The following SLC44A3 variants were observed in gnomAD, a reference collection of about 807,000 sequenced individuals.
The protein encoded by SLC44A3 is solute carrier family 44 member 3.
Under a neutral mutation model 75.4 loss-of-function variants are expected in SLC44A3, and 74 were observed. That is an observed-to-expected ratio of 0.98 (90% CI 0.81 to 1.19). The LOEUF (loss-of-function observed/expected upper bound fraction) is 1.19. SLC44A3 is among the 50% of genes most tolerant of loss of function. The probability of loss-of-function intolerance (pLI) is 0.00; values close to 1 mark genes in which losing one functional copy is unlikely to be tolerated. For synonymous variants in SLC44A3, 310 were observed against 296.9 expected (o/e 1.04, Z -0.45); for missense variants, 700 against 778.6 (o/e 0.90, Z 1.20).
chr1:94,887,074 C>A (rs376566439), intron 12 of SLC44A3, among the ~76,000 whole-genome samples: 3 of 151,876 alleles, frequency 2.0e-5, no homozygotes, highest in Non-Finnish European at 4.4e-5. Context: ...ACCAATAAAA[C>A]GTGTTTCCTA....
chr1:94,877,301 C>A (rs1291029790), intron 12 of SLC44A3, among the ~76,000 whole-genome samples: 1 of 151,978 alleles, frequency 6.6e-6, no homozygotes, highest in Non-Finnish European at 1.5e-5. Context: ...CTTTCTTCAC[C>A]TTTTCCCCTG....
chr1:94,894,184 A>G (rs1474923420), intron 14 of SLC44A3, among the ~76,000 whole-genome samples: 1 of 152,198 alleles, frequency 6.6e-6, no homozygotes, highest in African/African-American at 2.4e-5. Flanking sequence ...GGATCCAGTT[A>G]TCTGAAATTT....
Position 94,820,434 on chromosome 1 carries a change from C to T in SLC44A3, c.-18C>T, listed in dbSNP as rs1225727019. 6.9e-7 allele frequency: 1 copy of T among 1,455,786 alleles called. No homozygotes were observed. The highest frequency in any genetic ancestry group is 9.0e-7 in the Non-Finnish European group (1 of 1,107,422). 90.2% of individuals were successfully genotyped at this position (1,455,786 alleles called of 1,614,324 possible). ...CGGCGGCGGCTCCCAGTCACCGGCC[C>T]CCGCCGGCGAGCGCACGATGCACTG... On this transcript the variant is annotated 5_prime_UTR_variant, in exon 1 of 15. Coordinates refer to ENST00000271227, the MANE Select transcript of SLC44A3 (RefSeq NM_001114106.3).
rs372190860 is a variant in SLC44A3, at chr1:94,864,672, A to G, written c.1239-71A>G. Reference sequence around the variant, plus strand: ...TTCTAAGTTGTTAGTACCACAGATGATTGGAACCAGAGAGCTTTTGCTGCT... The same window carrying G: ...TTCTAAGTTGTTAGTACCACAGATGGTTGGAACCAGAGAGCTTTTGCTGCT... On this transcript the variant is annotated intron_variant, in intron 10 of 14. Transcript: ENST00000271227. 4.7e-5 allele frequency: 72 copies of G among 1,516,968 alleles called. No homozygotes were observed. In the African/African-American group the frequency reaches 8.0e-4, roughly 17 times the overall value. 94.0% of individuals were successfully genotyped at this position (1,516,968 alleles called of 1,614,324 possible).
chr1:94,873,942 T>G (rs892415721), intron 12 of SLC44A3, among the ~76,000 whole-genome samples: 18 of 152,232 alleles, frequency 1.2e-4, no homozygotes, highest in Non-Finnish European at 1.5e-5. Context: ...CAGACAGCCA[T>G]TCTTTCAGTG....
intron 8 of SLC44A3, 147 bp from the exon 9 acceptor site, chr1:94,845,131 T>G (rs555276641): frequency 1.4e-5 from 11 of 787,412 alleles, no homozygotes; most frequent in Non-Finnish European, 2.2e-5. Context: ...TGTTTGCGAA[T>G]GCATCTGTAA....
chr1:94,867,346 T>G lies in SLC44A3; in HGVS notation c.1411T>G (p.Ser471Ala). Residue 471 changes from serine (S) to alanine (A), a missense_variant, in exon 12 of 15, where the codon TCC becomes GCC. Coordinates refer to ENST00000271227, the MANE Select transcript of SLC44A3 (RefSeq NM_001114106.3). Reference sequence around the variant, plus strand: ...CCTGATCCAGCAGCATGGTGCATTGTCCAGGTACCTGTTCCGATGCTGCTA... The same window carrying G: ...CCTGATCCAGCAGCATGGTGCATTGGCCAGGTACCTGTTCCGATGCTGCTA... ...ALKEQQHGALSRYLFRCCYCC... is the reference protein window; with the variant it reads ...ALKEQQHGALARYLFRCCYCC... 6.3e-7 allele frequency: 1 copy of G among 1,599,386 alleles called. No homozygotes were observed. Among genetic ancestry groups the G allele is most frequent in the Non-Finnish European group, 8.5e-7 (1 of 1,171,290 alleles).
intron 12 of SLC44A3, among the ~76,000 whole-genome samples, chr1:94,876,140 A>T (rs1302531014): frequency 6.6e-6 from 1 of 152,178 alleles, no homozygotes; most frequent in South Asian, 2.1e-4. Context: ...ATCTGTGATC[A>T]CAGCTAGGCA....
At chr1:94,886,620 A>G (rs1180656703) in intron 12 of SLC44A3, among the ~76,000 whole-genome samples, 2 of 151,714 alleles carry the variant, frequency 1.3e-5, no homozygotes, top group African/African-American at 4.8e-5. Context: ...CTCTCCCTCC[A>G]GCTTGTGGTT....
intron 5 of SLC44A3, 113 bp from the exon 6 acceptor site, chr1:94,837,598 T>C: frequency 9.6e-7 from 1 of 1,036,346 alleles, no homozygotes. Context: ...GCTAGACGCC[T>C]CTCTATTACT....
At chr1:94,879,743 G>T (rs1668739974) in intron 12 of SLC44A3, among the ~76,000 whole-genome samples, 1 of 151,072 alleles carries the variant, frequency 6.6e-6, no homozygotes, top group South Asian at 2.1e-4. Context: ...GGAGGCTGAG[G>T]CAGGAAAATG....
intron 10 of SLC44A3, among the ~76,000 whole-genome samples, chr1:94,857,940 A>G (rs943201187): frequency 1.3e-5 from 2 of 151,362 alleles, no homozygotes; most frequent in Non-Finnish European, 2.9e-5. Context: ...CAGCCTCCCA[A>G]GTAGCTGGGA....
intron 12 of SLC44A3, chr1:94,888,604 A>T (rs571574546): frequency 3.2e-6 from 3 of 930,156 alleles, no homozygotes; most frequent in East Asian, 2.3e-4. Context: ...CGCACATTCT[A>T]TGTAAGTCCA....
chr1:94,835,601 T>G (rs1218576252), intron 5 of SLC44A3, among the ~76,000 whole-genome samples: 1 of 152,198 alleles, frequency 6.6e-6, no homozygotes, highest in Non-Finnish European at 1.5e-5. Context: ...GCTTATCAAC[T>G]TCCAACTCTT....
chr1:94,825,325 T>C (rs1425194050), intron 3 of SLC44A3, among the ~76,000 whole-genome samples: 1 of 152,214 alleles, frequency 6.6e-6, no homozygotes, highest in East Asian at 1.9e-4. Flanking sequence ...AAAATGATGT[T>C]TTATTTTTAT....
chr1:94,861,923 T>C (rs897210653), intron 10 of SLC44A3, among the ~76,000 whole-genome samples: 10 of 152,168 alleles, frequency 6.6e-5, no homozygotes, highest in African/African-American at 2.2e-4. Context: ...ACTTGAGGTG[T>C]GACTTCATCA....
chr1:94,855,711 T>G (rs1042111571), intron 9 of SLC44A3, among the ~76,000 whole-genome samples: 14 of 152,220 alleles, frequency 9.2e-5, no homozygotes, highest in African/African-American at 3.4e-4. Context: ...TCAGCCTTAG[T>G]CAGTGGAATC....
At chr1:94,823,733 A>G (rs1660924001) in intron 2 of SLC44A3, among the ~76,000 whole-genome samples, 1 of 152,250 alleles carries the variant, frequency 6.6e-6, no homozygotes. Context: ...ACTTGTCAAT[A>G]TAGAGTATTA....
chr1:94,849,034 G>GAACTGCCAGCCTGTGCCCCTT (rs528457199), intron 9 of SLC44A3, among the ~76,000 whole-genome samples: 1 of 152,100 alleles, frequency 6.6e-6, no homozygotes, highest in Admixed American at 6.5e-5. Flanking sequence ...ACTTGGGCAT[G>GAACTGCCAGCCTGTGCCCCTT]AACTGCCAGC....
Sources: allele counts gnomAD v4.1 joint callset (sites outside exome capture counted in the v4.1 genomes callset), GRCh38; gene constraint gnomAD v4.1.1; transcripts MANE v1.5; gene names NCBI Gene and HGNC (gene_info 2026-07-23, HGNC 2026-07-21).